The following PLAGL1 variants were observed in gnomAD, a reference collection of about 807,000 sequenced individuals.
PLAGL1 encodes the protein zinc finger protein PLAGL1.
PLAGL1 carries 1 observed loss-of-function variant against 4.6 expected under a neutral mutation model. The ratio of observed to expected loss-of-function variants is 0.22; its 90% CI spans 0.08 to 1.03. The LOEUF is 1.03. Ranked by LOEUF, PLAGL1 falls within the 50% of genes least tolerant of loss-of-function variation. The pLI, the probability that PLAGL1 is intolerant of heterozygous loss-of-function variation, is 0.58. For missense variants in PLAGL1, 464 were observed against 570.4 expected (o/e 0.81, Z 1.90); for synonymous variants, 240 against 237.8 (o/e 1.01, Z -0.08).
intron 1 of PLAGL1, among the ~76,000 whole-genome samples, chr6:144,023,489 G>A (rs1449349056): frequency 6.6e-6 from 1 of 152,164 alleles, no homozygotes; most frequent in Non-Finnish European, 1.5e-5. Flanking sequence ...AAAAGGTGCT[G>A]ATCTAAGTAA....
At chr6:143,946,154 T>C (rs1779735458) in intron 7 of PLAGL1, among the ~76,000 whole-genome samples, 1 of 152,112 alleles carries the variant, frequency 6.6e-6, no homozygotes, top group Non-Finnish European at 1.5e-5. Flanking sequence ...TATACACAGG[T>C]TTCACACCCT....
At chr6:143,991,458 C>T (rs528709809) in intron 1 of PLAGL1, among the ~76,000 whole-genome samples, 2 of 152,260 alleles carry the variant, frequency 1.3e-5, no homozygotes, top group South Asian at 4.2e-4. Flanking sequence ...CTAGTTCTAC[C>T]ATGGAAGCCA....
At position 143,982,049 on chromosome 6, in the gene PLAGL1, T is replaced by C. The variant is rs528285504; in HGVS notation, c.-544+3086A>G. On this transcript the variant is annotated intron_variant, in intron 2 of 7. Coordinates refer to ENST00000674357, the MANE Select transcript of PLAGL1 (RefSeq NM_001317162.2). This position sits in a 1 kb window ranked among gnomAD's most constrained non-coding sequence, Gnocchi z 5.3. Reference sequence around the variant, plus strand: ...TGTGAACAAAACACGCAAAAATTCCTACCCTTGTGAAGCGCACCAATGAAT... The same window carrying C: ...TGTGAACAAAACACGCAAAAATTCCCACCCTTGTGAAGCGCACCAATGAAT... Among the ~76,000 whole-genome samples, 45 of 152,346 alleles carry C rather than the reference T, an allele frequency of 3.0e-4. No homozygotes were observed. The highest frequency in any genetic ancestry group is 1.0e-3 in the African/African-American group (43 of 41,580).
chr6:144,030,254 C>CAAAAAAAAAAAAAAAAAA (rs66563676), intron 1 of PLAGL1, among the ~76,000 whole-genome samples: 1 of 44,560 alleles, frequency 2.2e-5, no homozygotes, highest in Non-Finnish European at 3.9e-5. Context: ...GACTCCGTCT[C>CAAAAAAAAAAAAAAAAAA]AAAAAAAAAA....
rs2128499846 is a variant in PLAGL1, at chr6:143,940,587, A to C, written c.*837T>G. ...AGTTTAAGCTAGACAGAGCAAAGAA[A>C]ATTCTTGTTTAATATATATATATTT... On this transcript the variant is annotated 3_prime_UTR_variant, in exon 8 of 8. Coordinates refer to ENST00000674357, the MANE Select transcript of PLAGL1 (RefSeq NM_001317162.2). 1 of 152,480 alleles carries C rather than the reference A, an allele frequency of 6.6e-6. No individual in the cohort carries two copies. Among genetic ancestry groups the C allele is most frequent in the South Asian group, 2.1e-4 (1 of 4,816 alleles). 9.4% of individuals were successfully genotyped at this position (152,480 alleles called of 1,614,324 possible).
At chr6:143,998,146 T>G (rs1306865703) in intron 1 of PLAGL1, among the ~76,000 whole-genome samples, 2 of 152,192 alleles carry the variant, frequency 1.3e-5, no homozygotes, top group African/African-American at 4.8e-5. Flanking sequence ...TATTCATTAG[T>G]ATCAACAAAA....
At chr6:143,981,685 G>A (rs558486310) in intron 2 of PLAGL1, among the ~76,000 whole-genome samples, 5 of 152,048 alleles carry the variant, frequency 3.3e-5, no homozygotes, top group African/African-American at 9.7e-5. Flanking sequence ...TATTTTAGGC[G>A]AGAGAATAAC....
chr6:144,052,860 A>T (rs142588233), intron 1 of PLAGL1, among the ~76,000 whole-genome samples: 2 of 152,326 alleles, frequency 1.3e-5, no homozygotes, highest in East Asian at 3.9e-4. Context: ...CATCCAGGAT[A>T]TATGCAACAT....
At chr6:144,045,168 AT>A (rs1234342212) in intron 1 of PLAGL1, among the ~76,000 whole-genome samples, 1 of 151,932 alleles carries the variant, frequency 6.6e-6, no homozygotes, top group Non-Finnish European at 1.5e-5. Context: ...TAATTGGGGA[AT>A]TTAGCCCATT....
chr6:144,060,052 A>G (rs1231817757), intron 1 of PLAGL1, among the ~76,000 whole-genome samples: 2 of 149,136 alleles, frequency 1.3e-5, no homozygotes, highest in Admixed American at 1.3e-4. Flanking sequence ...GTTGTGCCAC[A>G]CCATTTTTTT....
chr6:144,063,693 G>GC lies in PLAGL1; in HGVS notation c.-151+774_-151+775insG, dbSNP rs1355937755. Among the ~76,000 whole-genome samples, 34 of 152,184 alleles carry GC rather than the reference G, an allele frequency of 2.2e-4. No homozygotes were observed. Among genetic ancestry groups the GC allele is most frequent in the Non-Finnish European group, 4.0e-4 (27 of 68,020 alleles). On this transcript the variant is annotated intron_variant, in intron 1 of 3. Transcript: ENST00000437412. This position sits in a 1 kb window ranked among gnomAD's most constrained non-coding sequence, Gnocchi z 5.7. ...ACAGGTCCCGCGCTCCTAGACCCAT[G>GC]AACACTCGGGAAGCCCCAGGGGTAT...
At chr6:143,974,174 C>G (rs1583327542) in intron 2 of PLAGL1, among the ~76,000 whole-genome samples, 1 of 152,196 alleles carries the variant, frequency 6.6e-6, no homozygotes, top group Admixed American at 6.5e-5. Flanking sequence ...TATTTCACAC[C>G]TTCATGGAAC....
rs184934753 is a variant in PLAGL1 at position 143,947,896 on chromosome 6, C to T, written c.152+89G>A. 3.1e-4 allele frequency: 321 copies of T among 1,048,384 alleles called. 1 individual carries two copies. In the African/African-American group the frequency reaches 4.4e-3, roughly 15 times the overall value. The allele number at this position is 1,048,384 out of a possible 1,614,324, so 64.9% of individuals were successfully genotyped here. On this transcript the variant is annotated intron_variant, in intron 7 of 7. Coordinates refer to ENST00000674357, the MANE Select transcript of PLAGL1 (RefSeq NM_001317162.2). The surrounding 1 kb of genome is among the most constrained non-coding windows in gnomAD (Gnocchi z 4.3). ...GCTAAAATGCATCCATATCCTGTGTCCCTTTCCCCTTGCATCGTGTGGTCT... is the reference window on the plus strand; with the variant it reads ...GCTAAAATGCATCCATATCCTGTGTTCCTTTCCCCTTGCATCGTGTGGTCT...
chr6:144,018,263 G>A (rs1013438462), intron 1 of PLAGL1, among the ~76,000 whole-genome samples: 1 of 152,138 alleles, frequency 6.6e-6, no homozygotes, highest in African/African-American at 2.4e-5. Flanking sequence ...TATGTTAAGT[G>A]AAATAAGTCA....
upstream of PLAGL1, among the ~76,000 whole-genome samples, chr6:144,011,687 C>G (rs1170185266): frequency 1.3e-5 from 2 of 152,032 alleles, no homozygotes; most frequent in African/African-American, 4.8e-5. The surrounding 1 kb of genome is among the most constrained non-coding windows in gnomAD (Gnocchi z 4.3). Flanking sequence ...GTTTTTCGGA[C>G]AAGGAGAGGT....
Position 143,957,606 on chromosome 6 carries a change from GA to G in PLAGL1, c.-325+2862del, listed in dbSNP as rs1456836475. ...CAATAAGGTTAACATTCAAGGGAAA[GA>G]AAAGCCTCTTTCTTTCTCAGGAAGT... is the stretch of plus-strand genomic sequence containing the variant. On this transcript the variant is annotated intron_variant, in intron 6 of 7. Coordinates refer to ENST00000674357, the MANE Select transcript of PLAGL1 (RefSeq NM_001317162.2). This position sits in a 1 kb window ranked among gnomAD's most constrained non-coding sequence, Gnocchi z 4.2. 2.0e-5 allele frequency among the ~76,000 whole-genome samples: 3 copies of G among 152,204 alleles called. No homozygotes were observed. Among genetic ancestry groups the G allele is most frequent in the African/African-American group, 7.2e-5 (3 of 41,458 alleles).
upstream of PLAGL1, among the ~76,000 whole-genome samples, chr6:144,013,089 C>G (rs1368096672): frequency 6.6e-6 from 1 of 152,188 alleles, no homozygotes; most frequent in Non-Finnish European, 1.5e-5. The surrounding 1 kb of genome is among the most constrained non-coding windows in gnomAD (Gnocchi z 4.4). Flanking sequence ...GTAGACAGAA[C>G]CCCTCAGGAC....
intron 1 of PLAGL1, among the ~76,000 whole-genome samples, chr6:144,024,727 T>C (rs1410079269): frequency 6.6e-6 from 1 of 152,072 alleles, no homozygotes; most frequent in Non-Finnish European, 1.5e-5. Flanking sequence ...ACAATAATGG[T>C]GGTATGTCAA....
chr6:143,977,615 G>T (rs928007787), intron 2 of PLAGL1, among the ~76,000 whole-genome samples: 3 of 151,164 alleles, frequency 2.0e-5, no homozygotes, highest in Non-Finnish European at 2.9e-5. Context: ...TGGGACTACA[G>T]GTATAGTCTG....
Sources: allele counts gnomAD v4.1 joint callset (sites outside exome capture counted in the v4.1 genomes callset), GRCh38; gene constraint gnomAD v4.1.1; non-coding constraint Gnocchi (gnomAD v3.1); transcripts MANE v1.5; gene names NCBI Gene and HGNC (gene_info 2026-07-23, HGNC 2026-07-21).